ANTXR1: variants seen among roughly 807,000 people sequenced by gnomAD.
The protein encoded by ANTXR1 is ANTXR cell adhesion molecule 1.
In ANTXR1, 19 loss-of-function variants were observed where a neutral mutation model predicts 78.1. The ratio of observed to expected loss-of-function variants is 0.24; its 90% confidence interval spans 0.17 to 0.36. The LOEUF (loss-of-function observed/expected upper bound fraction) is 0.36. ANTXR1 is among the 10% of genes least tolerant of loss of function. ANTXR1 has a pLI of 1.00. For synonymous variants in ANTXR1, 273 were observed against 260.5 expected (o/e 1.05, Z -0.46); for missense variants, 518 against 718.6 (o/e 0.72, Z 3.19).
intron 12 of ANTXR1, among the ~76,000 whole-genome samples, chr2:69,149,483 C>T (rs1673328273): frequency 6.6e-6 from 1 of 152,226 alleles, no homozygotes; most frequent in South Asian, 2.1e-4. Flanking sequence ...ATCAGCCCTT[C>T]TGCTTTAGTT....
At chr2:69,023,709 A>G (rs1181750554) in intron 1 of ANTXR1, among the ~76,000 whole-genome samples, 2 of 152,334 alleles carry the variant, frequency 1.3e-5, no homozygotes, top group East Asian at 3.9e-4. Context: ...TGCCTAAAAC[A>G]AGTGCCAAGT....
At chr2:69,244,257 T>C (rs6719091) in intron 17 of ANTXR1, among the ~76,000 whole-genome samples, 14,718 of 152,232 alleles carry the variant, frequency 0.097, 2,405 homozygotes, top group African/African-American at 0.33. Context: ...TTCTCTGCAT[T>C]GTTCAGTTGA....
At chr2:69,091,309 C>A (rs952329237) in intron 9 of ANTXR1, among the ~76,000 whole-genome samples, 1 of 151,568 alleles carries the variant, frequency 6.6e-6, no homozygotes, top group African/African-American at 2.4e-5. Context: ...GGTGTGATGG[C>A]GCTTGCCTAT....
intron 3 of ANTXR1, among the ~76,000 whole-genome samples, chr2:69,057,057 GA>G (rs1286660501): frequency 2.0e-5 from 3 of 150,206 alleles, no homozygotes; most frequent in South Asian, 4.1e-4. Flanking sequence ...ATGTTTTTGA[GA>G]TTTTTTTTGT....
chr2:69,234,154 GAC>G (rs1675694157), intron 17 of ANTXR1, among the ~76,000 whole-genome samples: 1 of 152,098 alleles, frequency 6.6e-6, no homozygotes, highest in African/African-American at 2.4e-5. Context: ...AATAAAGATA[GAC>G]TTATAAGATC....
intron 3 of ANTXR1, among the ~76,000 whole-genome samples, chr2:69,055,162 C>T (rs1670033713): frequency 6.6e-6 from 1 of 152,144 alleles, no homozygotes; most frequent in Non-Finnish European, 1.5e-5. Flanking sequence ...CCCAAATCCT[C>T]CTGGACAAAT....
At chr2:69,086,889 A>T (rs1671068812) in intron 8 of ANTXR1, among the ~76,000 whole-genome samples, 1 of 152,220 alleles carries the variant, frequency 6.6e-6, no homozygotes, top group Admixed American at 6.5e-5. Context: ...ACATCTGTCT[A>T]GTTCTGTCTA....
At chr2:69,238,629 C>T (rs933308566) in intron 17 of ANTXR1, among the ~76,000 whole-genome samples, 2 of 152,192 alleles carry the variant, frequency 1.3e-5, no homozygotes, top group Non-Finnish European at 2.9e-5. Flanking sequence ...AAACTATGCT[C>T]ATAATTCCAA....
intron 17 of ANTXR1, among the ~76,000 whole-genome samples, chr2:69,244,917 G>T (rs930322147): frequency 7.9e-5 from 12 of 152,040 alleles, no homozygotes; most frequent in Non-Finnish European, 1.6e-4. Context: ...CCGGTTAGCA[G>T]GGCTGTTGAG....
chr2:69,239,607 G>A (rs573368790), intron 17 of ANTXR1, among the ~76,000 whole-genome samples: 6 of 152,334 alleles, frequency 3.9e-5, no homozygotes, highest in East Asian at 1.9e-4. Context: ...GCCCTTGAAC[G>A]TCATCTAGCC....
intron 17 of ANTXR1, among the ~76,000 whole-genome samples, chr2:69,235,768 A>G (rs1255751377): frequency 6.9e-6 from 1 of 144,224 alleles, no homozygotes; most frequent in African/African-American, 2.7e-5. Flanking sequence ...TTTAAAAATC[A>G]CAAACCAAAA....
chr2:69,165,452 G>A (rs1247331701), intron 13 of ANTXR1, among the ~76,000 whole-genome samples: 1 of 152,242 alleles, frequency 6.6e-6, no homozygotes, highest in East Asian at 1.9e-4. Flanking sequence ...CATGAGATGA[G>A]CATTTGTCAA....
rs2103967233 is a variant in ANTXR1, at chr2:69,013,267, G to C, written c.-233G>C. On this transcript the variant is annotated 5_prime_UTR_variant, in exon 1 of 18. Coordinates refer to ENST00000303714, the MANE Select transcript of ANTXR1 (RefSeq NM_032208.3). The surrounding 1 kb of genome is among the most constrained non-coding windows in gnomAD (Gnocchi z 5.0). ...GAGGCAGCCCTCCCCTTTAAAAGAA[G>C]CGGAGGACAGGATTGGGATCCTTGA... is the stretch of plus-strand genomic sequence containing the variant. 4.7e-6 allele frequency: 3 copies of C among 640,396 alleles called. No individual in the cohort carries two copies. The highest frequency in any genetic ancestry group is 8.5e-4 in the Middle Eastern group (2 of 2,342). The allele number at this position is 640,396 out of a possible 1,614,324, so 39.7% of individuals were successfully genotyped here. A position where few individuals can be genotyped will look rare whatever the true frequency, so the allele number is the denominator to read the frequency against.
Position 69,151,186 on chromosome 2 carries a change from C to CTTTTTTTT in ANTXR1, c.952-967_952-960dup, listed in dbSNP as rs59147668. ...CTGTACAAACATATCTGATTATTTT[C>CTTTTTTTT]TTTTTTTTTTTTTTTTTTTTTTTGA... On this transcript the variant is annotated intron_variant, in intron 12 of 17. Transcript: ENST00000303714. Among the ~76,000 whole-genome samples, 64 of 82,570 alleles carry CTTTTTTTT rather than the reference C, an allele frequency of 7.8e-4. 1 individual carries two copies. The highest frequency in any genetic ancestry group is 1.4e-3 in the South Asian group (3 of 2,214). The allele number at this position is 82,570 out of a possible 152,430, so 54.2% of individuals were successfully genotyped here. A position where few individuals can be genotyped will look rare whatever the true frequency, so the allele number is the denominator to read the frequency against.
intron 3 of ANTXR1, among the ~76,000 whole-genome samples, chr2:69,048,971 C>T (rs1669853814): frequency 6.6e-6 from 1 of 152,170 alleles, no homozygotes; most frequent in South Asian, 2.1e-4. Context: ...TTACGTCCCT[C>T]AGTACGATTT....
intron 11 of ANTXR1, 125 bp from the exon 12 acceptor site, chr2:69,124,440 G>A (rs898453150): frequency 1.2e-6 from 1 of 851,034 alleles, no homozygotes; most frequent in Non-Finnish European, 2.0e-6. Flanking sequence ...TCCTCCCCTG[G>A]AGAAGAGACT....
chr2:69,128,551 A>C (rs1299330483), intron 12 of ANTXR1, among the ~76,000 whole-genome samples: 2 of 152,150 alleles, frequency 1.3e-5, no homozygotes, highest in Admixed American at 6.5e-5. Context: ...AGCCCAGGTG[A>C]TTGAAAGGGG....
intron 13 of ANTXR1, among the ~76,000 whole-genome samples, chr2:69,155,598 AT>A (rs1250499358): frequency 2.6e-5 from 4 of 152,164 alleles, no homozygotes; most frequent in Non-Finnish European, 1.5e-5. Context: ...GAAAAGGATC[AT>A]TTTTTTAAAA....
intron 12 of ANTXR1, among the ~76,000 whole-genome samples, chr2:69,135,500 T>C (rs879790162): frequency 2.0e-5 from 3 of 152,088 alleles, no homozygotes; most frequent in African/African-American, 7.2e-5. Flanking sequence ...ATAAAACATA[T>C]ATTCAATAAA....
Sources: allele counts gnomAD v4.1 joint callset (sites outside exome capture counted in the v4.1 genomes callset), GRCh38; gene constraint gnomAD v4.1.1; non-coding constraint Gnocchi (gnomAD v3.1); transcripts MANE v1.5; gene names NCBI Gene and HGNC (gene_info 2026-07-23, HGNC 2026-07-21).